Variants in TNPO1 observed in about 807,000 individuals in gnomAD.
TNPO1 encodes transportin 1, also known as transportin-1.
In TNPO1, 8 loss-of-function variants were observed where a neutral mutation model predicts 119.5. That is an observed-to-expected ratio of 0.07 (90% CI 0.04 to 0.12). TNPO1 has a LOEUF of 0.12. TNPO1 is among the 10% of genes least tolerant of loss of function. The probability of loss-of-function intolerance (pLI) is 1.00; values close to 1 mark genes in which losing one functional copy is unlikely to be tolerated. For missense variants in TNPO1, 576 were observed against 1,089.8 expected (o/e 0.53, Z 6.64); for synonymous variants, 362 against 363.0 (o/e 1.00, Z 0.03).
Position 72,888,100 on chromosome 5 carries a change from A to G in TNPO1, c.1326A>G (p.Pro442=), listed in dbSNP as rs1254085245. The part of the protein sequence containing the change: ...IAEGCMQGMI[P]YLPELIPHLI... ...TAGGTTGCATGCAGGGCATGATTCC[A>G]TACTTGCCTGAGCTTATTCCTCACC... The change falls in exon 13 of 25, where the codon CCA becomes CCG. Residue 442 remains proline, a synonymous_variant. Coordinates refer to ENST00000337273, the MANE Select transcript of TNPO1 (RefSeq NM_002270.4). 1.2e-6 allele frequency: 2 copies of G among 1,613,968 alleles called. No homozygotes were observed. The highest frequency in any genetic ancestry group is 1.3e-5 in the African/African-American group (1 of 74,920).
intron 6 of TNPO1, among the ~76,000 whole-genome samples, chr5:72,867,037 G>A (rs752109058): frequency 2.1e-4 from 32 of 151,878 alleles, no homozygotes; most frequent in South Asian, 4.2e-4. Context: ...AAAATTAGCT[G>A]AGTGTAGTGG....
rs779539783 is a variant in TNPO1, at chr5:72,910,061, A to G, written c.*1388A>G. On this transcript the variant is annotated 3_prime_UTR_variant, in exon 25 of 25. Transcript: ENST00000337273. ...ATTTCAATGTTTATTCCCACTCAAC[A>G]TACTGCCTTCTAAGCTTCCCTTTTT... The G allele has an allele frequency of 2.6e-5, 4 of 152,640 alleles. No homozygotes were observed. The highest frequency in any genetic ancestry group is 5.9e-5 in the Non-Finnish European group (4 of 68,030). The allele number at this position is 152,640 out of a possible 1,614,324, so 9.5% of individuals were successfully genotyped here. A position where few individuals can be genotyped will look rare whatever the true frequency, so the allele number is the denominator to read the frequency against.
intron 10 of TNPO1, 90 bp downstream of exon 10, chr5:72,882,617 A>C: frequency 1.2e-6 from 1 of 846,382 alleles, no homozygotes; most frequent in Non-Finnish European, 1.9e-6. Flanking sequence ...TTCATTGAGA[A>C]TAGATCTCCT....
At chr5:72,866,053 G>A (rs1422822836) in intron 6 of TNPO1, among the ~76,000 whole-genome samples, 1 of 146,734 alleles carries the variant, frequency 6.8e-6, no homozygotes, top group Non-Finnish European at 1.5e-5. Context: ...TTTTGTTTTT[G>A]TTTTTTTAGC....
intron 18 of TNPO1, among the ~76,000 whole-genome samples, chr5:72,895,354 CTTT>C (rs34306580): frequency 2.8e-5 from 4 of 144,994 alleles, no homozygotes; most frequent in Admixed American, 6.9e-5. Context: ...GTTGTCCCTC[CTTT>C]TTTTTTTTTT....
chr5:72,907,107 T>C (rs1447669325), intron 24 of TNPO1, among the ~76,000 whole-genome samples: 3 of 152,156 alleles, frequency 2.0e-5, no homozygotes, highest in Non-Finnish European at 4.4e-5. Flanking sequence ...CCAGAATGTG[T>C]CAGAGCCCTT....
chr5:72,875,487 T>C (rs2112381337), intron 7 of TNPO1, 128 bp from the exon 8 acceptor site: 3 of 827,972 alleles, frequency 3.6e-6, no homozygotes, highest in Admixed American at 2.8e-5. Context: ...TAATCTAATA[T>C]TGTAGGCCAA....
intron 7 of TNPO1, among the ~76,000 whole-genome samples, chr5:72,875,206 T>C (rs1747672509): frequency 6.6e-6 from 1 of 152,224 alleles, no homozygotes; most frequent in Non-Finnish European, 1.5e-5. Context: ...CAGTGTATAC[T>C]AATATTTGTC....
At chr5:72,872,754 C>A in intron 7 of TNPO1, 34 bp downstream of exon 7, 1 of 1,496,214 alleles carries the variant, frequency 6.7e-7, no homozygotes, top group Non-Finnish European at 9.1e-7. Flanking sequence ...CCCAACCCCC[C>A]AGCTTTTTTT....
intron 18 of TNPO1, 137 bp from the exon 19 acceptor site, chr5:72,896,321 T>C: frequency 2.0e-6 from 1 of 489,142 alleles, no homozygotes; most frequent in Non-Finnish European, 3.6e-6. Context: ...ATTTTAAAAT[T>C]GATGTTGCAG....
chr5:72,896,143 A>G (rs1285665329), intron 18 of TNPO1, among the ~76,000 whole-genome samples: 1 of 152,116 alleles, frequency 6.6e-6, no homozygotes, highest in Admixed American at 6.6e-5. Flanking sequence ...GATTACTCTG[A>G]CCAACTCTTT....
In TNPO1 at chr5:72,868,458, A is replaced by AAAAAAAAAAAC. The variant is rs1554052270; in HGVS notation, c.596+2730_596+2731insAAAAAAAAACA. On this transcript the variant is annotated intron_variant, in intron 6 of 24. Coordinates refer to ENST00000337273, the MANE Select transcript of TNPO1 (RefSeq NM_002270.4). ...AAAAAAAAAAAAAAAAAAAAAAAAA[A>AAAAAAAAAAAC]ACACAAAATAATATATCAGGCATTT... 1.6e-4 allele frequency among the ~76,000 whole-genome samples: 18 copies of AAAAAAAAAAAC among 113,408 alleles called. 1 individual carries two copies. The highest frequency in any genetic ancestry group is 2.8e-4 in the Non-Finnish European group (13 of 46,750). 74.4% of individuals were successfully genotyped at this position (113,408 alleles called of 152,430 possible). A position where few individuals can be genotyped will look rare whatever the true frequency, so the allele number is the denominator to read the frequency against.
intron 6 of TNPO1, among the ~76,000 whole-genome samples, chr5:72,866,246 C>G (rs1159534324): frequency 2.0e-5 from 3 of 152,070 alleles, no homozygotes; most frequent in African/African-American, 4.8e-5. Context: ...ATCTTTATGT[C>G]GAGGTGTACC....
At chr5:72,884,459 A>G (rs1019687929) in intron 11 of TNPO1, among the ~76,000 whole-genome samples, 23 of 152,220 alleles carry the variant, frequency 1.5e-4, no homozygotes, top group African/African-American at 5.3e-4. Flanking sequence ...ATTGGCTATC[A>G]TAGGTAATTC....
Position 72,888,166 on chromosome 5 carries a change from C to T in TNPO1, c.1392C>T (p.Ser464=). The change falls in exon 13 of 25, where the codon TCC becomes TCT. Residue 464 remains serine, a synonymous_variant. Coordinates refer to ENST00000337273, the MANE Select transcript of TNPO1 (RefSeq NM_002270.4). ...CLSDKKALVR[S]ITCWTLSRYA... ...CTGATAAAAAGGCTCTTGTGCGTTC[C>T]ATAACATGCTGGACTCTTAGCCGCT... 1 of 1,614,114 alleles carries T rather than the reference C, an allele frequency of 6.2e-7. No individual in the cohort carries two copies. Among genetic ancestry groups the T allele is most frequent in the Admixed American group, 1.7e-5 (1 of 60,012 alleles).
At chr5:72,872,748 A>AC (rs1277160385) in intron 7 of TNPO1, 28 bp downstream of exon 7, 2 of 1,494,976 alleles carry the variant, frequency 1.3e-6, no homozygotes, top group Non-Finnish European at 9.0e-7. Context: ...CTCCCTCCCA[A>AC]CCCCCCAGCT....
At chr5:72,898,610 A>G (rs1193691544) in intron 20 of TNPO1, among the ~76,000 whole-genome samples, 1 of 152,076 alleles carries the variant, frequency 6.6e-6, no homozygotes, top group Non-Finnish European at 1.5e-5. Flanking sequence ...TTTAATTACC[A>G]TTATCTCAAT....
intron 4 of TNPO1, among the ~76,000 whole-genome samples, chr5:72,861,060 G>A (rs1316754970): frequency 6.6e-6 from 1 of 151,876 alleles, no homozygotes; most frequent in African/African-American, 2.4e-5. Flanking sequence ...TTACAGGCAT[G>A]CACCACATGC....
intron 23 of TNPO1, among the ~76,000 whole-genome samples, chr5:72,904,977 T>G (rs1314766427): frequency 6.6e-6 from 1 of 152,180 alleles, no homozygotes; most frequent in Non-Finnish European, 1.5e-5. Flanking sequence ...GGGTTTCCCC[T>G]TATCAAACCG....
Sources: gnomAD v4.1 joint callset for allele counts (sites outside exome capture counted in the v4.1 genomes callset) on GRCh38, gnomAD v4.1.1 for gene constraint, MANE v1.5 for transcripts, NCBI Gene and HGNC (gene_info 2026-07-23, HGNC 2026-07-21) for gene names.